GOLGA1: variants seen among roughly 807,000 people sequenced by gnomAD.
GOLGA1 encodes the protein golgin subfamily A member 1.
A neutral mutation model predicts 119.7 loss-of-function variants in GOLGA1; 63 were observed. That is an observed-to-expected ratio of 0.53 (90% CI 0.43 to 0.65). The LOEUF is 0.65. GOLGA1 is among the 30% of genes least tolerant of loss of function. The probability of loss-of-function intolerance (pLI) is 0.00; values close to 1 mark genes in which losing one functional copy is unlikely to be tolerated. For synonymous variants in GOLGA1, 318 were observed against 333.4 expected, an observed-to-expected ratio of 0.95 and a Z score of 0.50; for missense variants, 798 against 912.8, an observed-to-expected ratio of 0.87 and a Z score of 1.62.
At position 124,928,253 on chromosome 9, in the gene GOLGA1, T is replaced by C. The variant is rs2131512312; in HGVS notation, c.334A>G (p.Thr112Ala). 6.2e-7 allele frequency: 1 copy of C among 1,606,642 alleles called. No individual in the cohort carries two copies. Among genetic ancestry groups the C allele is most frequent in the East Asian group, 2.2e-5 (1 of 44,682 alleles). ...SMRKFQEQNE[T>A]FQANRAKMAE... ...ATTTTGGCTCTGTTGGCTTGGAATG[T>C]CTCATTCTGCTCTTGAAATTTCCGC... is the stretch of plus-strand genomic sequence containing the variant. The change falls in exon 6 of 23, where the codon ACA becomes GCA. Residue 112 changes from threonine to alanine, a missense_variant. Coordinates refer to ENST00000373555, the MANE Select transcript of GOLGA1 (RefSeq NM_002077.4).
At chr9:124,883,737 C>T (rs1351379023) in intron 19 of GOLGA1, among the ~76,000 whole-genome samples, 4 of 152,046 alleles carry the variant, frequency 2.6e-5, no homozygotes, top group South Asian at 4.1e-4. Flanking sequence ...CATGAGCCAC[C>T]GCACCCGGCC....
chr9:124,906,123 AT>A (rs1830226357), intron 12 of GOLGA1, among the ~76,000 whole-genome samples: 1 of 150,716 alleles, frequency 6.6e-6, no homozygotes, highest in South Asian at 2.1e-4. Flanking sequence ...CAAAAAATAA[AT>A]AAATAAATAA....
At chr9:124,938,556 T>G in intron 3 of GOLGA1, 21 bp downstream of exon 3, 6 of 1,587,328 alleles carry the variant, frequency 3.8e-6, no homozygotes, top group Non-Finnish European at 5.2e-6. Flanking sequence ...GTATCTTTAT[T>G]TCTTAAGTAA....
intron 10 of GOLGA1, among the ~76,000 whole-genome samples, chr9:124,919,163 G>A (rs780159280): frequency 1.3e-5 from 2 of 151,994 alleles, no homozygotes; most frequent in Non-Finnish European, 2.9e-5. Flanking sequence ...AGGCTGAGGT[G>A]GAAGGATCAC....
Position 124,881,300 on chromosome 9 carries a change from T to C in GOLGA1, c.2137-43A>G, listed in dbSNP as rs1378739582. ...TTGCTGCCATAGGCCTTGGTGAAGGTGAGGCGGGGTGGGGTCGGGGGAGCT... is the reference window on the plus strand; with the variant it reads ...TTGCTGCCATAGGCCTTGGTGAAGGCGAGGCGGGGTGGGGTCGGGGGAGCT... On this transcript the variant is annotated intron_variant, in intron 21 of 22. Coordinates refer to ENST00000373555, the MANE Select transcript of GOLGA1 (RefSeq NM_002077.4). The surrounding 1 kb of genome is among the most constrained non-coding windows in gnomAD (Gnocchi z 4.9). 3.5e-6 allele frequency: 4 copies of C among 1,136,614 alleles called. No homozygotes were observed. Among genetic ancestry groups the C allele is most frequent in the Non-Finnish European group, 5.4e-6 (4 of 743,416 alleles). 70.4% of individuals were successfully genotyped at this position (1,136,614 alleles called of 1,614,324 possible).
rs765162039 is a variant in GOLGA1 at position 124,881,755 on chromosome 9, AC to A, written c.2136+28del. The stretch of plus-strand genomic sequence containing the variant: ...ACAGACTGTAGGGCGGGGCCTCAAT[AC>A]CCAAAAGACACCTCAAAAGCCCTTT... On this transcript the variant is annotated intron_variant, in intron 21 of 22. Coordinates refer to ENST00000373555, the MANE Select transcript of GOLGA1 (RefSeq NM_002077.4). This position sits in a 1 kb window ranked among gnomAD's most constrained non-coding sequence, Gnocchi z 4.9. The A allele has an allele frequency of 4.5e-6, 7 of 1,548,842 alleles. No homozygotes were observed. The highest frequency in any genetic ancestry group is 6.2e-6 in the Non-Finnish European group (7 of 1,133,010).
chr9:124,925,930 A>T (rs1830663335), intron 7 of GOLGA1, among the ~76,000 whole-genome samples: 1 of 152,172 alleles, frequency 6.6e-6, no homozygotes, highest in African/African-American at 2.4e-5. Context: ...TATGCAAGCA[A>T]TGGTACTAGA....
intron 11 of GOLGA1, 144 bp from the exon 12 acceptor site, chr9:124,908,616 T>G: frequency 1.6e-6 from 1 of 635,654 alleles, no homozygotes; most frequent in South Asian, 1.8e-5. Flanking sequence ...GAGAAATAAT[T>G]CACATATCAT....
At chr9:124,944,299 C>A (rs1831106174), upstream of GOLGA1, 1 of 150,200 alleles carries the variant, frequency 6.7e-6, no homozygotes, top group African/African-American at 2.4e-5. Flanking sequence ...AATAAAAATT[C>A]CTTTTTTTTT....
At chr9:124,905,367 C>T (rs1830205315) in intron 12 of GOLGA1, among the ~76,000 whole-genome samples, 1 of 151,870 alleles carries the variant, frequency 6.6e-6, no homozygotes, top group South Asian at 2.1e-4. Context: ...GTGGGTGAGG[C>T]AGGAGAATTG....
chr9:124,909,622 A>G (rs1159668500), intron 11 of GOLGA1, among the ~76,000 whole-genome samples: 6 of 151,910 alleles, frequency 3.9e-5, no homozygotes, highest in African/African-American at 1.2e-4. Context: ...AAAAAAAAAA[A>G]AAAAAAGAAA....
intron 11 of GOLGA1, among the ~76,000 whole-genome samples, chr9:124,909,598 G>A (rs1001295996): frequency 1.6e-5 from 2 of 128,764 alleles, no homozygotes; most frequent in African/African-American, 6.0e-5. Flanking sequence ...AACAGAGTGA[G>A]ACTCCGTCTC....
chr9:124,897,247 T>A (rs1347401194), intron 15 of GOLGA1, among the ~76,000 whole-genome samples: 1 of 152,248 alleles, frequency 6.6e-6, no homozygotes, highest in African/African-American at 2.4e-5. Context: ...ATTTTCTTCA[T>A]AGCATTTATT....
At position 124,881,753 on chromosome 9, in the gene GOLGA1, A is replaced by G. The variant is rs1334225747; in HGVS notation, c.2136+31T>C. On this transcript the variant is annotated intron_variant, in intron 21 of 22. Transcript: ENST00000373555. The surrounding 1 kb of genome is among the most constrained non-coding windows in gnomAD (Gnocchi z 4.9). ...GGACAGACTGTAGGGCGGGGCCTCA[A>G]TACCCAAAAGACACCTCAAAAGCCC... The G allele has an allele frequency of 6.5e-7, 1 of 1,535,764 alleles. No homozygotes were observed. Among genetic ancestry groups the G allele is most frequent in the African/African-American group, 1.4e-5 (1 of 72,790 alleles).
At chr9:124,895,908 AACCATCCACAACAGAG>A (rs1829976370) in intron 15 of GOLGA1, among the ~76,000 whole-genome samples, 1 of 144,070 alleles carries the variant, frequency 6.9e-6, no homozygotes, top group Non-Finnish European at 1.5e-5. Context: ...CACAACAGAG[AACCATCCACAACAGAG>A]ACCCTCCACA....
upstream of GOLGA1, chr9:124,944,549 G>C (rs1831112669): frequency 6.9e-6 from 1 of 145,228 alleles, no homozygotes; most frequent in Non-Finnish European, 1.5e-5. Context: ...CAACTCCTGA[G>C]TAATAAAAAT....
chr9:124,902,764 C>T (rs1397656426), intron 12 of GOLGA1, among the ~76,000 whole-genome samples: 2 of 152,230 alleles, frequency 1.3e-5, no homozygotes, highest in Non-Finnish European at 1.5e-5. Flanking sequence ...GCTGGGATTA[C>T]AGGCATGAGC....
chr9:124,881,222 C>G lies in GOLGA1; in HGVS notation c.2172G>C (p.Leu724=). 1 of 1,605,562 alleles carries G rather than the reference C, an allele frequency of 6.2e-7. No individual in the cohort carries two copies. Among genetic ancestry groups the G allele is most frequent in the Non-Finnish European group, 8.5e-7 (1 of 1,172,144 alleles). ...TGTTCTCCTCCTCTTGGGAAAAGTT[C>G]AGCAACACTGACACAGCTTTTATAA... The part of the protein sequence containing the change: ...FHLIKAVSVL[L]NFSQEEENML... Residue 724 remains leucine, a synonymous_variant, in exon 22 of 23, where the codon CTG becomes CTC. Coordinates refer to ENST00000373555, the MANE Select transcript of GOLGA1 (RefSeq NM_002077.4). This position sits in a 1 kb window ranked among gnomAD's most constrained non-coding sequence, Gnocchi z 4.9.
At chr9:124,898,764 G>A in intron 14 of GOLGA1, 120 bp from the exon 15 acceptor site, 1 of 645,796 alleles carries the variant, frequency 1.5e-6, no homozygotes, top group Non-Finnish European at 2.7e-6. Context: ...AAAGCCAATG[G>A]GAAGAAGCAG....
Sources: gnomAD v4.1 joint callset for allele counts (sites outside exome capture counted in the v4.1 genomes callset) on GRCh38, gnomAD v4.1.1 for gene constraint, Gnocchi (gnomAD v3.1) non-coding constraint, MANE v1.5 for transcripts, NCBI Gene and HGNC (gene_info 2026-07-23, HGNC 2026-07-21) for gene names.